The following NTNG1 variants were observed in gnomAD, a reference collection of about 807,000 sequenced individuals.
NTNG1 encodes netrin G1.
In NTNG1, 16 loss-of-function variants were observed where a neutral mutation model predicts 54.0. That is an observed-to-expected ratio of 0.30 (90% CI 0.20 to 0.45). The LOEUF (loss-of-function observed/expected upper bound fraction) is 0.45, where lower values mean the gene tolerates loss of function less well. NTNG1 is among the 20% of genes least tolerant of loss of function. The probability of loss-of-function intolerance (pLI) is 1.00; values close to 1 mark genes in which losing one functional copy is unlikely to be tolerated. For synonymous variants in NTNG1, 255 were observed against 263.1 expected (o/e 0.97, Z 0.30); for missense variants, 530 against 678.7 (o/e 0.78, Z 2.43).
chr1:107,186,337 C>T (rs889939921), intron 2 of NTNG1, among the ~76,000 whole-genome samples: 2 of 152,146 alleles, frequency 1.3e-5, no homozygotes, highest in Non-Finnish European at 2.9e-5. Flanking sequence ...ACTCTTGCCT[C>T]TTCTAAACCA....
At chr1:107,195,630 T>TAC (rs1658265006) in intron 2 of NTNG1, among the ~76,000 whole-genome samples, 1 of 151,360 alleles carries the variant, frequency 6.6e-6, no homozygotes, top group East Asian at 2.0e-4. Flanking sequence ...CACACACACA[T>TAC]ACACACACAC....
chr1:107,285,560 A>T (rs1665141398), intron 2 of NTNG1, among the ~76,000 whole-genome samples: 1 of 152,136 alleles, frequency 6.6e-6, no homozygotes. Flanking sequence ...CAGCTTTTTA[A>T]TATATGAAAA....
At chr1:107,275,614 T>G (rs1664425443) in intron 2 of NTNG1, among the ~76,000 whole-genome samples, 1 of 151,998 alleles carries the variant, frequency 6.6e-6, no homozygotes, top group Non-Finnish European at 1.5e-5. Context: ...ATGTTTCAAT[T>G]AGAGTCCAAA....
intron 2 of NTNG1, among the ~76,000 whole-genome samples, chr1:107,322,563 C>T (rs1667717417): frequency 6.6e-6 from 1 of 152,010 alleles, no homozygotes; most frequent in African/African-American, 2.4e-5. Context: ...CTTTGCCAGT[C>T]TGTAGAGCTT....
At chr1:107,332,679 T>C (rs146584358) in intron 3 of NTNG1, among the ~76,000 whole-genome samples, 16 of 152,218 alleles carry the variant, frequency 1.1e-4, no homozygotes, top group African/African-American at 3.1e-4. Flanking sequence ...AAGAGACTAT[T>C]TCCATTCATT....
chr1:107,220,815 C>A (rs1021757937), intron 2 of NTNG1, among the ~76,000 whole-genome samples: 1 of 152,146 alleles, frequency 6.6e-6, no homozygotes, highest in Non-Finnish European at 1.5e-5. Context: ...AGGCACTATA[C>A]CCTTCCTGTG....
chr1:107,440,273 A>G (rs1675886654), intron 7 of NTNG1, among the ~76,000 whole-genome samples: 1 of 152,142 alleles, frequency 6.6e-6, no homozygotes, highest in African/African-American at 2.4e-5. Flanking sequence ...TGGGTTTGGG[A>G]ACAGAAGATT....
intron 2 of NTNG1, among the ~76,000 whole-genome samples, chr1:107,196,062 AG>A (rs914223023): frequency 6.6e-6 from 1 of 152,030 alleles, no homozygotes; most frequent in African/African-American, 2.4e-5. Context: ...CTTAGAACCC[AG>A]GGCCTGGCAC....
intron 3 of NTNG1, among the ~76,000 whole-genome samples, chr1:107,371,813 T>C (rs1175682967): frequency 6.6e-6 from 1 of 151,966 alleles, no homozygotes; most frequent in Non-Finnish European, 1.5e-5. Context: ...ACAAGCTGAG[T>C]ATTACTTATC....
intron 2 of NTNG1, among the ~76,000 whole-genome samples, chr1:107,161,675 A>G (rs1029002392): frequency 7.3e-5 from 11 of 151,346 alleles, no homozygotes; most frequent in African/African-American, 2.7e-4. Context: ...AAAAAAAAAG[A>G]AAAAAAGAAA....
At chr1:107,341,263 T>C (rs1249973993) in intron 3 of NTNG1, among the ~76,000 whole-genome samples, 1 of 152,138 alleles carries the variant, frequency 6.6e-6, no homozygotes, top group Non-Finnish European at 1.5e-5. Flanking sequence ...CTTATATTGA[T>C]GGACCGAGTT....
At chr1:107,433,942 C>A (rs756672981) in intron 6 of NTNG1, among the ~76,000 whole-genome samples, 7 of 152,110 alleles carry the variant, frequency 4.6e-5, no homozygotes, top group Non-Finnish European at 8.8e-5. Context: ...GGGCTTGCGG[C>A]AGGACTGTTA....
rs200221736 is a variant in NTNG1, at chr1:107,324,265, T to C, written c.247-17T>C. 1.2e-6 allele frequency: 2 copies of C among 1,607,634 alleles called. No homozygotes were observed. Among genetic ancestry groups the C allele is most frequent in the African/African-American group, 1.3e-5 (1 of 74,844 alleles). On this transcript the variant is annotated splice_polypyrimidine_tract_variant and intron_variant, in intron 2 of 7. Coordinates refer to ENST00000370068, the MANE Select transcript of NTNG1 (RefSeq NM_001113226.3). ...AACCAGTGTTTTGATGCACGCTCTTTTGTTCTTCTTCCATAGGGCAATCCC... is the reference window on the plus strand; with the variant it reads ...AACCAGTGTTTTGATGCACGCTCTTCTGTTCTTCTTCCATAGGGCAATCCC...
At chr1:107,434,217 G>A (rs895556678) in intron 6 of NTNG1, among the ~76,000 whole-genome samples, 3 of 152,316 alleles carry the variant, frequency 2.0e-5, no homozygotes, top group South Asian at 2.1e-4. Context: ...TGTAGGCTCT[G>A]TGTGATGAAA....
intron 2 of NTNG1, among the ~76,000 whole-genome samples, chr1:107,196,935 C>G (rs72697693): frequency 0.042 from 6,321 of 151,680 alleles, 137 homozygotes; most frequent in Non-Finnish European, 0.051. Flanking sequence ...TTGTCATTCT[C>G]GGGCGGGTGT....
At chr1:107,436,852 C>T in intron 7 of NTNG1, 53 bp downstream of exon 7, 2 of 1,575,836 alleles carry the variant, frequency 1.3e-6, no homozygotes, top group Non-Finnish European at 1.7e-6. Flanking sequence ...CTGATTTCTG[C>T]TTGGCTAGGC....
intron 4 of NTNG1, among the ~76,000 whole-genome samples, chr1:107,406,392 G>T (rs118104799): frequency 6.6e-6 from 1 of 152,114 alleles, no homozygotes; most frequent in Non-Finnish European, 1.5e-5. Context: ...AACAGCTACC[G>T]TTTATTGGCC....
At chr1:107,256,672 G>A (rs1426070922) in intron 2 of NTNG1, among the ~76,000 whole-genome samples, 1 of 152,172 alleles carries the variant, frequency 6.6e-6, no homozygotes, top group African/African-American at 2.4e-5. Context: ...AGAGAACCTT[G>A]CTCCAGTAGT....
chr1:107,375,553 T>C (rs1340256068), intron 3 of NTNG1, among the ~76,000 whole-genome samples: 2 of 152,250 alleles, frequency 1.3e-5, no homozygotes, highest in Non-Finnish European at 2.9e-5. Flanking sequence ...ATTGATCAGC[T>C]ATTTTTAAAT....
Sources: gnomAD v4.1 joint callset for allele counts (sites outside exome capture counted in the v4.1 genomes callset) on GRCh38, gnomAD v4.1.1 for gene constraint, MANE v1.5 for transcripts, NCBI Gene and HGNC (gene_info 2026-07-23, HGNC 2026-07-21) for gene names.